The following CD300A variants were observed in gnomAD, a reference collection of about 807,000 sequenced individuals.
The protein encoded by CD300A is CMRF35-like molecule 8.
CD300A carries 22 observed loss-of-function variants against 33.6 expected under a neutral mutation model. That is an observed-to-expected ratio of 0.66 (90% confidence interval 0.47 to 0.94). The LOEUF is 0.94. Ranked by LOEUF, CD300A falls within the 40% of genes least tolerant of loss-of-function variation. The probability of loss-of-function intolerance (pLI) is 0.00; values close to 1 mark genes in which losing one functional copy is unlikely to be tolerated. For missense variants in CD300A, 326 were observed against 360.5 expected (o/e 0.90, Z 0.77); for synonymous variants, 136 against 148.1 (o/e 0.92, Z 0.59).
At position 74,473,739 on chromosome 17, in the gene CD300A, G is replaced by A. The variant is rs148191018; in HGVS notation, c.244G>A (p.Ala82Thr). ...CCGAGTGTCCATCAGGGACAGTCCT[G>A]CAAACCTCAGCTTCACAGTGACCCT... ...NGRVSIRDSP[A>T]NLSFTVTLEN... is the part of the protein sequence containing the mutation. The change falls in exon 2 of 7, where the codon GCA (alanine) becomes ACA (threonine). Residue 82 changes from alanine (A) to threonine (T), a missense_variant. Ala to Thr is a moderately conservative substitution (Grantham distance 58). Coordinates refer to ENST00000360141, the MANE Select transcript of CD300A (RefSeq NM_007261.4). 131 of 1,614,146 alleles carry A rather than the reference G, an allele frequency of 8.1e-5. No individual in the cohort carries two copies. Among genetic ancestry groups the A allele is most frequent in the Non-Finnish European group, 1.1e-4 (126 of 1,180,050 alleles).
chr17:74,468,665 A>AT (rs1055770721), intron 1 of CD300A, among the ~76,000 whole-genome samples: 7 of 151,542 alleles, frequency 4.6e-5, no homozygotes, highest in Admixed American at 3.9e-4. Flanking sequence ...ATTTTTATTT[A>AT]TTTTTTTGGA....
chr17:74,476,027 C>T (rs917296897), intron 3 of CD300A, among the ~76,000 whole-genome samples: 4 of 152,154 alleles, frequency 2.6e-5, no homozygotes, highest in South Asian at 2.1e-4. Context: ...ACCCTCCCTG[C>T]GGCACCTCAA....
At chr17:74,471,866 T>C (rs1906121866) in intron 1 of CD300A, among the ~76,000 whole-genome samples, 1 of 152,030 alleles carries the variant, frequency 6.6e-6, no homozygotes, top group Non-Finnish European at 1.5e-5. Context: ...AAGGCACCTG[T>C]AGACGTTGAA....
chr17:74,476,245 C>T (rs1906453804), intron 3 of CD300A, among the ~76,000 whole-genome samples: 1 of 152,164 alleles, frequency 6.6e-6, no homozygotes, highest in Non-Finnish European at 1.5e-5. Context: ...TTACCAAAGT[C>T]CAGGTGTGAT....
intron 1 of CD300A, among the ~76,000 whole-genome samples, chr17:74,471,078 C>T (rs528958971): frequency 2.6e-5 from 4 of 152,324 alleles, no homozygotes; most frequent in Admixed American, 2.0e-4. Context: ...TCCTGAGTAG[C>T]TGGGACCACA....
chr17:74,481,703 C>T, intron 5 of CD300A, 23 bp from the exon 6 acceptor site: 1 of 1,570,224 alleles, frequency 6.4e-7, no homozygotes, highest in Non-Finnish European at 8.7e-7. Flanking sequence ...TGGACACCCA[C>T]CTGGGACCTC....
At chr17:74,474,989 G>A (rs1906368900) in intron 3 of CD300A, among the ~76,000 whole-genome samples, 1 of 152,176 alleles carries the variant, frequency 6.6e-6, no homozygotes, top group Non-Finnish European at 1.5e-5. Context: ...TTTCACTGCA[G>A]CCCTGTACTG....
chr17:74,474,223 G>A (rs1906311794), intron 2 of CD300A, among the ~76,000 whole-genome samples: 1 of 152,110 alleles, frequency 6.6e-6, no homozygotes, highest in Non-Finnish European at 1.5e-5. Flanking sequence ...GTCCTCAGGG[G>A]GAGCCTTACC....
Position 74,477,434 on chromosome 17 carries a change from A to C in CD300A, c.534-2A>C. 1 of 1,612,852 alleles carries C rather than the reference A, an allele frequency of 6.2e-7. No individual in the cohort carries two copies. Among genetic ancestry groups the C allele is most frequent in the East Asian group, 2.2e-5 (1 of 44,874 alleles). ...GCCCTTACCATCCTGTGCCTCCTCCAGGCTCCCGCTGCTCCTCTCCCTGCT... is the reference window on the plus strand; with the variant it reads ...GCCCTTACCATCCTGTGCCTCCTCCCGGCTCCCGCTGCTCCTCTCCCTGCT... On this transcript the variant is annotated splice_acceptor_variant, in intron 3 of 6. Coordinates refer to ENST00000360141, the MANE Select transcript of CD300A (RefSeq NM_007261.4). LOFTEE classifies it high-confidence loss of function.
In CD300A at chr17:74,473,585, A is replaced by C; in HGVS notation, c.90A>C (p.Gly30=). The change falls in exon 2 of 7, where the codon GGA becomes GGC. Residue 30 remains glycine, a synonymous_variant. Transcript: ENST00000360141. ...KCRTVAGPVG[G]SLSVQCPYEK... is the part of the protein sequence containing the mutation. The stretch of plus-strand genomic sequence containing the variant: ...GGACCGTGGCGGGCCCCGTGGGGGG[A>C]TCCCTGAGTGTGCAGTGTCCCTATG... The C allele has an allele frequency of 6.2e-7, 1 of 1,603,908 alleles. No homozygotes were observed. Among genetic ancestry groups the C allele is most frequent in the Non-Finnish European group, 8.5e-7 (1 of 1,175,680 alleles).
rs185348033 is a variant in CD300A, at chr17:74,481,346, A to T, written c.666+20A>T. On this transcript the variant is annotated intron_variant, in intron 5 of 6. Coordinates refer to ENST00000360141, the MANE Select transcript of CD300A (RefSeq NM_007261.4). ...AAGCAGGTAAGGGGGCTTTAGCAGG[A>T]GGTGTATCAGGTGGCTGGGCGGAGG... The T allele has an allele frequency of 5.5e-5, 89 of 1,611,994 alleles. No individual in the cohort carries two copies. The African/African-American group carries it at 1.1e-3, about 20-fold the overall frequency.
chr17:74,474,128 G>A (rs1048100104), intron 2 of CD300A, among the ~76,000 whole-genome samples: 3 of 152,064 alleles, frequency 2.0e-5, no homozygotes, highest in Non-Finnish European at 4.4e-5. Context: ...GAGCGCACCT[G>A]TGGCTCAGCC....
At chr17:74,478,403 G>A (rs1415857978) in intron 4 of CD300A, among the ~76,000 whole-genome samples, 2 of 152,172 alleles carry the variant, frequency 1.3e-5, no homozygotes, top group African/African-American at 2.4e-5. Flanking sequence ...CAGCTGCAAC[G>A]GGCACCCCAG....
Position 74,470,241 on chromosome 17 carries a change from AG to A in CD300A, c.41-3293del, listed in dbSNP as rs1404945477. The A allele has an allele frequency of 3.0e-5, 30 of 985,424 alleles. No homozygotes were observed. In the African/African-American group the frequency reaches 4.9e-4, roughly 16 times the overall value. The allele number at this position is 985,424 out of a possible 1,614,324, so 61.0% of individuals were successfully genotyped here. ...CACTGGGGATCCATGTGATCGTTCC[AG>A]GTAAGTGGGGAAGTAAATGGAGGGT... On this transcript the variant is annotated intron_variant, in intron 1 of 6. Coordinates refer to ENST00000360141, the MANE Select transcript of CD300A (RefSeq NM_007261.4).
intron 1 of CD300A, among the ~76,000 whole-genome samples, chr17:74,469,063 G>A (rs1405168025): frequency 2.6e-5 from 4 of 152,156 alleles, no homozygotes; most frequent in African/African-American, 9.7e-5. Context: ...GAATTAGGGA[G>A]ATCTCCCTGT....
intron 1 of CD300A, among the ~76,000 whole-genome samples, chr17:74,470,899 A>G (rs928270760): frequency 4.6e-5 from 7 of 151,222 alleles, no homozygotes; most frequent in African/African-American, 1.7e-4. Flanking sequence ...CAATCCTCCC[A>G]CTTTGGCCTC....
upstream of CD300A, chr17:74,466,439 G>C: frequency 1.8e-6 from 1 of 561,248 alleles, no homozygotes; most frequent in East Asian, 3.0e-5. Flanking sequence ...TACAGGGAGA[G>C]GTCTCATCAC....
intron 1 of CD300A, among the ~76,000 whole-genome samples, chr17:74,472,482 T>C (rs1050063834): frequency 6.6e-6 from 1 of 152,160 alleles, no homozygotes; most frequent in Non-Finnish European, 1.5e-5. Flanking sequence ...GATAATTATT[T>C]GGGAAAATGT....
At chr17:74,473,354 C>T (rs1016565775) in intron 1 of CD300A, among the ~76,000 whole-genome samples, 182 bp from the exon 2 acceptor site, 6 of 151,994 alleles carry the variant, frequency 3.9e-5, no homozygotes, top group African/African-American at 1.4e-4. Flanking sequence ...AAAGCCTCTG[C>T]CCCATTCCCA....
Sources: allele counts gnomAD v4.1 joint callset (sites outside exome capture counted in the v4.1 genomes callset), GRCh38; gene constraint gnomAD v4.1.1; transcripts MANE v1.5; gene names NCBI Gene and HGNC (gene_info 2026-07-23, HGNC 2026-07-21).